LRRC74A: variants seen among roughly 807,000 people sequenced by gnomAD.
LRRC74A encodes the protein leucine rich repeat containing 74A, also known as leucine-rich repeat-containing protein 74A.
Under a neutral mutation model 57.9 loss-of-function variants are expected in LRRC74A, and 44 were observed. The ratio of observed to expected loss-of-function variants is 0.76; its 90% confidence interval spans 0.60 to 0.98. LRRC74A has a LOEUF of 0.98. Ranked by LOEUF, LRRC74A falls within the 50% of genes least tolerant of loss-of-function variation. The pLI is 0.00. For missense variants in LRRC74A, 572 were observed against 574.0 expected (o/e 1.00, Z 0.04); for synonymous variants, 211 against 219.4 (o/e 0.96, Z 0.34).
At chr14:76,832,911 G>A (rs530319653) in intron 3 of LRRC74A, among the ~76,000 whole-genome samples, 7 of 152,160 alleles carry the variant, frequency 4.6e-5, no homozygotes, top group Non-Finnish European at 7.4e-5. Context: ...TCTGAGGAAG[G>A]GGTCAGAGAG....
At chr14:76,828,899 C>G in intron 2 of LRRC74A, 1 of 748,272 alleles carries the variant, frequency 1.3e-6, no homozygotes, top group Non-Finnish European at 1.9e-6. Context: ...CTTCTGTATT[C>G]CATATCCCAG....
chr14:76,830,402 C>A (rs1449776107), intron 2 of LRRC74A, among the ~76,000 whole-genome samples: 1 of 152,236 alleles, frequency 6.6e-6, no homozygotes, highest in Non-Finnish European at 1.5e-5. Context: ...GCCCAGTGAC[C>A]ATGGGCCAGG....
intron 5 of LRRC74A, among the ~76,000 whole-genome samples, chr14:76,843,201 T>C (rs144689090): frequency 1.0e-4 from 15 of 150,060 alleles, no homozygotes; most frequent in Admixed American, 6.7e-5. Flanking sequence ...GAGAATTGCT[T>C]GAACCCAGGA....
chr14:76,828,119 G>A (rs994711902), intron 1 of LRRC74A, among the ~76,000 whole-genome samples, 172 bp from the exon 2 acceptor site: 5 of 152,346 alleles, frequency 3.3e-5, no homozygotes, highest in Admixed American at 1.3e-4. Flanking sequence ...CGGAGGCAGC[G>A]CTATTGGGGA....
At chr14:76,869,584 T>C (rs1346212028) in intron 13 of LRRC74A, among the ~76,000 whole-genome samples, 1 of 151,870 alleles carries the variant, frequency 6.6e-6, no homozygotes, top group East Asian at 1.9e-4. Flanking sequence ...AACCCCCACC[T>C]CTATTAAAAA....
intron 10 of LRRC74A, among the ~76,000 whole-genome samples, chr14:76,857,861 G>C (rs1157763772): frequency 6.6e-6 from 1 of 152,184 alleles, no homozygotes; most frequent in African/African-American, 2.4e-5. Flanking sequence ...TAGAATCTGG[G>C]TATTAAAACA....
chr14:76,831,433 G>C, intron 3 of LRRC74A, 58 bp downstream of exon 3: 1 of 1,583,630 alleles, frequency 6.3e-7, no homozygotes, highest in East Asian at 2.2e-5. Flanking sequence ...TGGCAGAGTG[G>C]TAGGCCCAAG....
chr14:76,837,958 C>T lies in LRRC74A; in HGVS notation c.531C>T (p.Ser177=). Residue 177 remains serine, a synonymous_variant, in exon 5 of 14, where the codon AGC becomes AGT. Transcript: ENST00000689127. ...FFERNSSSIW[S]LELSGNDFKE... is the part of the protein sequence containing the mutation. ...AGAGAAACAGTTCTTCTATCTGGAG[C>T]CTTGAGCTTTCAGGTGAGCACATGG... 1.3e-6 allele frequency: 2 copies of T among 1,571,922 alleles called. No individual in the cohort carries two copies. The highest frequency in any genetic ancestry group is 1.7e-6 in the Non-Finnish European group (2 of 1,156,134).
Position 76,860,840 on chromosome 14 carries a change from G to T in LRRC74A, c.1200+1G>T. 1 of 1,596,788 alleles carries T rather than the reference G, an allele frequency of 6.3e-7. No individual in the cohort carries two copies. The highest frequency in any genetic ancestry group is 8.6e-7 in the Non-Finnish European group (1 of 1,169,266). Reference sequence around the variant, plus strand: ...GACAAACCCCATGAAACTGATCCAGGTGAGCTCCTGCCTTCCTCTCAGGGC... The same window carrying T: ...GACAAACCCCATGAAACTGATCCAGTTGAGCTCCTGCCTTCCTCTCAGGGC... On this transcript the variant is annotated splice_donor_variant, in intron 11 of 13. Transcript: ENST00000689127. LOFTEE classifies it high-confidence loss of function.
chr14:76,847,321 A>AAAAT (rs1423014618), intron 7 of LRRC74A, among the ~76,000 whole-genome samples: 4 of 152,220 alleles, frequency 2.6e-5, no homozygotes, highest in African/African-American at 9.6e-5. Context: ...CTGGATTAAA[A>AAAAT]AAATTTGGTG....
At chr14:76,859,391 G>A (rs186720948) in intron 10 of LRRC74A, among the ~76,000 whole-genome samples, 10 of 151,994 alleles carry the variant, frequency 6.6e-5, no homozygotes, top group East Asian at 3.9e-4. Flanking sequence ...AAAATTAGCC[G>A]GCCATGGTGG....
At chr14:76,856,294 T>A (rs1271661954) in intron 9 of LRRC74A, among the ~76,000 whole-genome samples, 1 of 152,204 alleles carries the variant, frequency 6.6e-6, no homozygotes, top group Non-Finnish European at 1.5e-5. Flanking sequence ...CCCTCCCCTA[T>A]GCTGCATGCT....
chr14:76,864,991 G>A lies in LRRC74A; in HGVS notation c.1201-977G>A, dbSNP rs76180316. ...TAGATAAATGTTATACAGATAGATA[G>A]AAGTTAGACAGATTGATGTCAGATA... On this transcript the variant is annotated intron_variant, in intron 11 of 13. Coordinates refer to ENST00000689127, the MANE Select transcript of LRRC74A (RefSeq NM_001385106.1). Among the ~76,000 whole-genome samples, 27 of 152,368 alleles carry A rather than the reference G, an allele frequency of 1.8e-4. No homozygotes were observed. The East Asian group carries it at 3.9e-3, about 22-fold the overall frequency.
intron 1 of LRRC74A, among the ~76,000 whole-genome samples, chr14:76,827,341 A>G (rs1595332730): frequency 6.6e-6 from 1 of 151,704 alleles, no homozygotes. Flanking sequence ...CTCATTAGGA[A>G]CCCCACCATC....
At chr14:76,853,190 G>A (rs1181995989) in intron 8 of LRRC74A, 26 bp from the exon 9 acceptor site, 2 of 1,573,042 alleles carry the variant, frequency 1.3e-6, no homozygotes, top group Non-Finnish European at 1.7e-6. Context: ...CCTTGATGCT[G>A]GTGCTGTTCT....
Position 76,860,836 on chromosome 14 carries a change from C to T in LRRC74A, c.1197C>T (p.Ile399=). 4 of 1,600,694 alleles carry T rather than the reference C, an allele frequency of 2.5e-6. No homozygotes were observed. The highest frequency in any genetic ancestry group is 3.4e-6 in the Non-Finnish European group (4 of 1,171,596). ...IFLLTNPMKL[I]QSYADQHKIT... ...TGTTGACAAACCCCATGAAACTGAT[C>T]CAGGTGAGCTCCTGCCTTCCTCTCA... Residue 399 remains isoleucine (I), a synonymous_variant, in exon 11 of 14, where the codon ATC becomes ATT. Coordinates refer to ENST00000689127, the MANE Select transcript of LRRC74A (RefSeq NM_001385106.1).
intron 9 of LRRC74A, among the ~76,000 whole-genome samples, chr14:76,853,934 T>C (rs1379519352): frequency 6.6e-6 from 1 of 152,136 alleles, no homozygotes; most frequent in East Asian, 1.9e-4. Flanking sequence ...ATGTGCTTTT[T>C]GAACACAAAT....
In LRRC74A at chr14:76,837,917, A is replaced by G. The variant is rs1326692989; in HGVS notation, c.490A>G (p.Ile164Val). 1 of 1,593,172 alleles carries G rather than the reference A, an allele frequency of 6.3e-7. No homozygotes were observed. Among genetic ancestry groups the G allele is most frequent in the South Asian group, 1.1e-5 (1 of 87,506 alleles). Residue 164 changes from isoleucine (I) to valine (V), a missense_variant, in exon 5 of 14, where the codon ATC (isoleucine) becomes GTC (valine). By Grantham distance (29) the Ile-to-Val change is conservative. Transcript: ENST00000689127. ...CCTTGGTTTGGAGGGGGCCAGAATC[A>G]TCTCAGATTTCTTTGAGAGAAACAG... ...NHLGLEGARI[I>V]SDFFERNSSS...
intron 5 of LRRC74A, among the ~76,000 whole-genome samples, chr14:76,842,126 T>C (rs919076007): frequency 6.6e-6 from 1 of 152,230 alleles, no homozygotes; most frequent in Non-Finnish European, 1.5e-5. Flanking sequence ...GTGAACAGAA[T>C]GTTTTTTTCT....
Sources: allele counts gnomAD v4.1 joint callset (sites outside exome capture counted in the v4.1 genomes callset), GRCh38; gene constraint gnomAD v4.1.1; transcripts MANE v1.5; gene names NCBI Gene and HGNC (gene_info 2026-07-23, HGNC 2026-07-21).